The following NHEJ1 variants were observed in gnomAD, a reference collection of about 807,000 sequenced individuals.
NHEJ1 encodes non-homologous end joining factor 1.
A neutral mutation model predicts 39.4 loss-of-function variants in NHEJ1; 22 were observed. The ratio of observed to expected loss-of-function variants is 0.56; its 90% CI spans 0.40 to 0.80. The LOEUF is 0.80. NHEJ1 is among the 30% of genes least tolerant of loss of function. NHEJ1 has a pLI of 0.00. For missense variants in NHEJ1, 329 were observed against 357.1 expected (o/e 0.92, Z 0.63); for synonymous variants, 154 against 135.6 (o/e 1.14, Z -0.94).
In NHEJ1 at chr2:219,072,527, G is replaced by C. The variant is rs1169525352; in HGVS notation, c.*3854C>G. Reference sequence around the variant, plus strand: ...AGTAGAGCTTAGAAAAACATATCCTGATTGTATCAAAACCTAGTTGACATA... The same window carrying C: ...AGTAGAGCTTAGAAAAACATATCCTCATTGTATCAAAACCTAGTTGACATA... On this transcript the variant is annotated 3_prime_UTR_variant, in exon 8 of 8. Coordinates refer to ENST00000356853, the MANE Select transcript of NHEJ1 (RefSeq NM_024782.3). Among the ~76,000 whole-genome samples, 3 of 152,146 alleles carry C rather than the reference G, an allele frequency of 2.0e-5. No individual in the cohort carries two copies.
intron 5 of NHEJ1, among the ~76,000 whole-genome samples, chr2:219,135,228 C>A (rs1949616038): frequency 6.6e-6 from 1 of 152,080 alleles, no homozygotes; most frequent in African/African-American, 2.4e-5. Flanking sequence ...AGGAGGGAGA[C>A]TCAACTGTGT....
chr2:219,091,081 C>G (rs763170342), intron 5 of NHEJ1, among the ~76,000 whole-genome samples: 35 of 152,054 alleles, frequency 2.3e-4, no homozygotes, highest in Non-Finnish European at 4.4e-4. Flanking sequence ...GCTGGGAATT[C>G]AGTTTGGGGG....
At chr2:219,135,583 T>G (rs1678583507) in intron 5 of NHEJ1, among the ~76,000 whole-genome samples, 1 of 152,216 alleles carries the variant, frequency 6.6e-6, no homozygotes, top group African/African-American at 2.4e-5. Flanking sequence ...CACTCCAGCC[T>G]ACAGGACAGA....
Position 219,157,671 on chromosome 2 carries a change from C to T in NHEJ1, c.191G>A (p.Arg64Gln), listed in dbSNP as rs758194433. The change falls in exon 3 of 8, where the codon CGG becomes CAG. Residue 64 changes from arginine to glutamine, a missense_variant. Physicochemically the swap from Arg to Gln is conservative, Grantham distance 43. Coordinates refer to ENST00000356853, the MANE Select transcript of NHEJ1 (RefSeq NM_024782.3). ...VSQRAKELNK[R>Q]LTAPPAAFLC... is the part of the protein sequence containing the mutation. The stretch of plus-strand genomic sequence containing the variant: ...GAAAGCTGCAGGAGGAGCAGTGAGC[C>T]GCTTGTTCAGCTCCTAAAGAGAGAG... The T allele has an allele frequency of 4.3e-6, 7 of 1,613,384 alleles. No homozygotes were observed. The highest frequency in any genetic ancestry group is 4.5e-5 in the East Asian group (2 of 44,892).
At chr2:219,121,927 A>C (rs1307429752) in intron 5 of NHEJ1, among the ~76,000 whole-genome samples, 1 of 152,216 alleles carries the variant, frequency 6.6e-6, no homozygotes, top group African/African-American at 2.4e-5. Flanking sequence ...TATTCTTTTA[A>C]TTATAGTCTG....
At chr2:219,152,789 T>TTTTTTTTATTTATTTATTTATTTA (rs1553548971) in intron 3 of NHEJ1, among the ~76,000 whole-genome samples, 17 of 87,784 alleles carry the variant, frequency 1.9e-4, no homozygotes, top group East Asian at 1.2e-3. Context: ...ATTTATTTAT[T>TTTTTTTTATTTATTTATTTATTTA]TTTATTTATT....
At chr2:219,128,454 CT>C (rs980430173) in intron 5 of NHEJ1, among the ~76,000 whole-genome samples, 2 of 152,080 alleles carry the variant, frequency 1.3e-5, no homozygotes, top group African/African-American at 2.4e-5. Flanking sequence ...TAGCTCTCTT[CT>C]TTTTTTCCCC....
intron 5 of NHEJ1, among the ~76,000 whole-genome samples, chr2:219,107,653 G>C (rs10168527): frequency 0.72 from 109,747 of 151,744 alleles, 40,172 homozygotes; most frequent in Non-Finnish European, 0.77. Context: ...TTCTCTCTCT[G>C]TCTTCAGGAA....
At chr2:219,150,438 T>C (rs1574744025) in intron 3 of NHEJ1, among the ~76,000 whole-genome samples, 2 of 152,330 alleles carry the variant, frequency 1.3e-5, no homozygotes, top group South Asian at 4.1e-4. Context: ...CTCTAGGAAG[T>C]ACTGTTCAGA....
chr2:219,106,773 T>G (rs1442374580), intron 5 of NHEJ1, among the ~76,000 whole-genome samples: 1 of 152,230 alleles, frequency 6.6e-6, no homozygotes, highest in Non-Finnish European at 1.5e-5. Flanking sequence ...GTGCTCATCT[T>G]CAAGAGAAGA....
At chr2:219,149,844 T>A (rs756973644) in intron 3 of NHEJ1, among the ~76,000 whole-genome samples, 3 of 152,218 alleles carry the variant, frequency 2.0e-5, no homozygotes, top group Non-Finnish European at 4.4e-5. Context: ...TCTCCTGTTG[T>A]AGCACAAAAG....
At chr2:219,158,455 A>C (rs1486851041) in intron 1 of NHEJ1, 93 bp from the exon 2 acceptor site, 348 of 1,198,586 alleles carry the variant, frequency 2.9e-4, no homozygotes, top group Non-Finnish European at 3.8e-4. Flanking sequence ...CTAAAATCTC[A>C]TGAAAATCCT....
chr2:219,077,727 C>T (rs946523378), intron 6 of NHEJ1, among the ~76,000 whole-genome samples: 1 of 152,008 alleles, frequency 6.6e-6, no homozygotes, highest in Non-Finnish European at 1.5e-5. Flanking sequence ...TTTCCCACCT[C>T]GGCCTCCTGA....
intron 5 of NHEJ1, among the ~76,000 whole-genome samples, chr2:219,108,214 A>G (rs934103111): frequency 6.6e-6 from 1 of 152,238 alleles, no homozygotes; most frequent in African/African-American, 2.4e-5. Context: ...CCTTGTGAAC[A>G]GTATCAAAAC....
At chr2:219,146,785 G>A (rs376086402) in intron 4 of NHEJ1, 47 bp from the exon 5 acceptor site, 4 of 1,428,654 alleles carry the variant, frequency 2.8e-6, no homozygotes, top group African/African-American at 2.8e-5. Context: ...CATACAGGAT[G>A]AGTTTCTTAC....
intron 5 of NHEJ1, among the ~76,000 whole-genome samples, chr2:219,102,955 A>G (rs918017929): frequency 5.8e-5 from 8 of 138,114 alleles, no homozygotes; most frequent in Non-Finnish European, 1.2e-4. Context: ...CAGTGAGCCG[A>G]GATCCCGCCA....
At chr2:219,101,444 C>T (rs1036835410) in intron 5 of NHEJ1, among the ~76,000 whole-genome samples, 2 of 151,358 alleles carry the variant, frequency 1.3e-5, no homozygotes, top group South Asian at 4.2e-4. Flanking sequence ...CAGGGTCTTG[C>T]TCAGCTGCCA....
At chr2:219,147,163 A>G (rs889924607) in intron 4 of NHEJ1, among the ~76,000 whole-genome samples, 1 of 152,204 alleles carries the variant, frequency 6.6e-6, no homozygotes, top group East Asian at 1.9e-4. Context: ...CTTGGGCTCC[A>G]GCCAGGTACT....
chr2:219,114,562 T>C (rs1418914348), intron 5 of NHEJ1, among the ~76,000 whole-genome samples: 1 of 151,848 alleles, frequency 6.6e-6, no homozygotes, highest in Non-Finnish European at 1.5e-5. Context: ...GCCTAAGAAA[T>C]AGAAAATGGA....
Sources: gnomAD v4.1 joint callset for allele counts (sites outside exome capture counted in the v4.1 genomes callset) on GRCh38, gnomAD v4.1.1 for gene constraint, MANE v1.5 for transcripts, NCBI Gene and HGNC (gene_info 2026-07-23, HGNC 2026-07-21) for gene names.